GLB1: variants seen among roughly 807,000 people sequenced by gnomAD.
GLB1 encodes the protein beta-galactosidase.
A neutral mutation model predicts 74.0 loss-of-function variants in GLB1; 56 were observed. The ratio of observed to expected loss-of-function variants is 0.76; its 90% CI spans 0.61 to 0.94. The LOEUF is 0.94. Ranked by LOEUF, GLB1 falls within the 40% of genes least tolerant of loss-of-function variation. The pLI is 0.00. For missense variants in GLB1, 787 were observed against 845.5 expected (o/e 0.93, Z 0.86); for synonymous variants, 323 against 323.6 (o/e 1.00, Z 0.02).
chr3:33,024,152 C>T (rs529987325), intron 11 of GLB1, 99 bp downstream of exon 11: 2 of 1,356,360 alleles, frequency 1.5e-6, no homozygotes, highest in South Asian at 1.3e-5. Flanking sequence ...AAATAACGAA[C>T]CAATTCCTCC....
chr3:33,040,487 C>T lies in GLB1; in HGVS notation c.1068+5633G>A, dbSNP rs187385920. Among the ~76,000 whole-genome samples, 113 of 152,276 alleles carry T rather than the reference C, an allele frequency of 7.4e-4. 1 individual carries two copies. In the East Asian group the frequency reaches 0.02, roughly 27 times the overall value. ...ATTAGCTAGGCATGGTGGCACATGC[C>T]TGTAGTCCCAGCTCCTCAGGAGGCT... On this transcript the variant is annotated intron_variant, in intron 10 of 15. Coordinates refer to ENST00000307363, the MANE Select transcript of GLB1 (RefSeq NM_000404.4).
chr3:33,059,089 AC>A (rs1293973268), intron 5 of GLB1, among the ~76,000 whole-genome samples: 4 of 152,254 alleles, frequency 2.6e-5, no homozygotes, highest in Non-Finnish European at 2.9e-5. Context: ...GGGAAGCCCC[AC>A]AATGAAGAAT....
chr3:33,071,134 G>A (rs1699872882), intron 2 of GLB1, among the ~76,000 whole-genome samples: 1 of 152,088 alleles, frequency 6.6e-6, no homozygotes, highest in South Asian at 2.1e-4. Flanking sequence ...CCATCACAAA[G>A]CTCTCTTTGA....
chr3:33,056,283 C>T (rs34103242), intron 6 of GLB1, among the ~76,000 whole-genome samples: 18,650 of 142,810 alleles, frequency 0.13, 1,362 homozygotes, highest in Admixed American at 0.18. Flanking sequence ...TTCCTCATTT[C>T]AGTCTTCTGT....
chr3:33,092,790 G>A lies in GLB1; in HGVS notation c.75+4221C>T, dbSNP rs762528468. 1.9e-6 allele frequency: 3 copies of A among 1,542,156 alleles called. No individual in the cohort carries two copies. The Admixed American group carries it at 6.0e-5, about 31-fold the overall frequency. On this transcript the variant is annotated intron_variant, in intron 1 of 15. Transcript: ENST00000307363. ...AAACCACTCTGAAGCAGGATGGAGG[G>A]TCGAGGACAAGGGCAGGGCAGAGGT...
chr3:33,074,370 AAGGAAGGAAGGAAGG>A (rs1700016021), intron 1 of GLB1, among the ~76,000 whole-genome samples: 3 of 124,714 alleles, frequency 2.4e-5, no homozygotes, highest in African/African-American at 8.6e-5. Flanking sequence ...GGAAGGAAGG[AAGGAAGGAAGGAAGG>A]AAGGAAGAAA....
chr3:33,002,295 AT>A (rs1025358792), intron 15 of GLB1, among the ~76,000 whole-genome samples: 8 of 151,626 alleles, frequency 5.3e-5, no homozygotes, highest in African/African-American at 1.9e-4. Flanking sequence ...GTTTTAAACT[AT>A]CTGGATAAAT....
chr3:33,058,420 T>G, intron 5 of GLB1, 151 bp from the exon 6 acceptor site: 1 of 1,065,556 alleles, frequency 9.4e-7, no homozygotes, highest in South Asian at 1.5e-5. Flanking sequence ...ACCTCAAAAC[T>G]GACTAAAAGA....
chr3:33,076,540 G>C (rs1192800617), intron 1 of GLB1, among the ~76,000 whole-genome samples: 1 of 152,188 alleles, frequency 6.6e-6, no homozygotes, highest in Admixed American at 6.5e-5. Context: ...AATGAGGTGG[G>C]CAGGAGGCAG....
intron 10 of GLB1, among the ~76,000 whole-genome samples, chr3:33,027,165 C>A (rs1054536373): frequency 9.9e-5 from 15 of 152,216 alleles, no homozygotes; most frequent in African/African-American, 3.6e-4. Flanking sequence ...AGCTTCTGGG[C>A]ACTATTGCAT....
At chr3:33,088,234 A>C (rs80023766) in intron 1 of GLB1, among the ~76,000 whole-genome samples, 1 of 152,164 alleles carries the variant, frequency 6.6e-6, no homozygotes, top group Non-Finnish European at 1.5e-5. Context: ...TGCCACTTCT[A>C]CTCAACATAG....
intron 15 of GLB1, among the ~76,000 whole-genome samples, chr3:33,010,418 C>A (rs1357618217): frequency 6.6e-6 from 1 of 152,152 alleles, no homozygotes; most frequent in African/African-American, 2.4e-5. Flanking sequence ...TGCAAATGTA[C>A]TTAGCCATCT....
chr3:33,065,280 T>G (rs928266511), intron 5 of GLB1, among the ~76,000 whole-genome samples, 183 bp downstream of exon 5: 1 of 152,210 alleles, frequency 6.6e-6, no homozygotes, highest in African/African-American at 2.4e-5. Context: ...GCCTGCCACA[T>G]AGCAGGCATT....
At chr3:33,096,543 C>A in intron 1 of GLB1, 2 of 985,076 alleles carry the variant, frequency 2.0e-6, no homozygotes, top group Non-Finnish European at 2.4e-6. Flanking sequence ...GGGGAAATAA[C>A]CCAATGTTCC....
chr3:33,029,174 A>C (rs11717007), intron 10 of GLB1, among the ~76,000 whole-genome samples: 32,161 of 152,204 alleles, frequency 0.21, 3,766 homozygotes, highest in Admixed American at 0.3. Context: ...TTCAGAAAAG[A>C]AATGAACAAA....
chr3:33,037,048 A>ATT (rs71070114), intron 10 of GLB1, among the ~76,000 whole-genome samples: 2 of 144,054 alleles, frequency 1.4e-5, no homozygotes, highest in Admixed American at 7.0e-5. Flanking sequence ...ACCACAATTA[A>ATT]TTTTTTTTTT....
chr3:33,068,430 T>C (rs970375468), intron 3 of GLB1, 140 bp from the exon 4 acceptor site: 1 of 1,187,350 alleles, frequency 8.4e-7, no homozygotes, highest in Non-Finnish European at 1.2e-6. Flanking sequence ...TTTTGGTTTA[T>C]AACTTGCAGA....
chr3:33,068,127 T>C, intron 4 of GLB1, 103 bp downstream of exon 4: 1 of 1,543,286 alleles, frequency 6.5e-7, no homozygotes, highest in Non-Finnish European at 8.9e-7. Context: ...CCTCAGGTAA[T>C]CCACCCGCCT....
At chr3:33,026,805 T>G (rs1340257622) in intron 10 of GLB1, among the ~76,000 whole-genome samples, 2 of 152,106 alleles carry the variant, frequency 1.3e-5, no homozygotes, top group African/African-American at 4.8e-5. Context: ...CTACCCTCTC[T>G]GCTGAGAGCT....
Sources: allele counts gnomAD v4.1 joint callset (sites outside exome capture counted in the v4.1 genomes callset), GRCh38; gene constraint gnomAD v4.1.1; transcripts MANE v1.5; gene names NCBI Gene and HGNC (gene_info 2026-07-23, HGNC 2026-07-21).